BBS7: variants seen among roughly 807,000 people sequenced by gnomAD.
BBS7 encodes the protein Bardet-Biedl syndrome 7.
In BBS7, 50 loss-of-function variants were observed where a neutral mutation model predicts 90.3. The observed-to-expected ratio is 0.55, with a 90% CI of 0.44 to 0.70. BBS7 has a LOEUF of 0.70. Ranked by LOEUF, BBS7 falls within the 30% of genes least tolerant of loss-of-function variation. The pLI is 0.00. For synonymous variants in BBS7, 235 were observed against 287.4 expected, an observed-to-expected ratio of 0.82 and a Z score of 1.85; for missense variants, 729 against 838.9, an observed-to-expected ratio of 0.87 and a Z score of 1.62.
At chr4:121,840,254 C>T (rs150267133) in intron 12 of BBS7, among the ~76,000 whole-genome samples, 41,111 of 152,046 alleles carry the variant, frequency 0.27, 6,191 homozygotes, top group Non-Finnish European at 0.32. Flanking sequence ...TCTTGTCTGC[C>T]GCCATGTGAG....
At chr4:121,858,916 TTA>T (rs1325479879) in intron 5 of BBS7, 74 bp downstream of exon 5, 8 of 1,396,152 alleles carry the variant, frequency 5.7e-6, no homozygotes, top group Non-Finnish European at 8.0e-6. Flanking sequence ...AACCACTAAT[TTA>T]TCTCAAGTAC....
intron 5 of BBS7, among the ~76,000 whole-genome samples, chr4:121,856,931 G>A (rs984940415): frequency 6.6e-6 from 1 of 151,862 alleles, no homozygotes; most frequent in African/African-American, 2.4e-5. Context: ...ACCATGCCTG[G>A]CTAAGTTTTG....
chr4:121,831,624 G>A (rs1165604052), intron 15 of BBS7, among the ~76,000 whole-genome samples: 1 of 152,188 alleles, frequency 6.6e-6, no homozygotes, highest in Non-Finnish European at 1.5e-5. Flanking sequence ...TATGATTAAT[G>A]TGTGAGGTTC....
In BBS7 at chr4:121,861,465, ATAAG is replaced by A. The variant is rs1560666234; in HGVS notation, c.341+35_341+38del. On this transcript the variant is annotated intron_variant, in intron 4 of 18. Coordinates refer to ENST00000264499, the MANE Select transcript of BBS7 (RefSeq NM_176824.3). ...CTCACATCTATCCAAAATATTATAA[ATAAG>A]TATGTAAAAATACAAAAGAGAACAA... The A allele has an allele frequency of 4.4e-6, 7 of 1,581,294 alleles. No individual in the cohort carries two copies. In the South Asian group the frequency reaches 8.0e-5, roughly 18 times the overall value.
At chr4:121,847,883 A>G (rs986252198) in intron 9 of BBS7, among the ~76,000 whole-genome samples, 3 of 152,140 alleles carry the variant, frequency 2.0e-5, no homozygotes, top group Admixed American at 1.3e-4. Context: ...AAACTCTCAC[A>G]TGACTACTAT....
At chr4:121,849,673 A>C (rs1726207640) in intron 8 of BBS7, among the ~76,000 whole-genome samples, 1 of 150,710 alleles carries the variant, frequency 6.6e-6, no homozygotes, top group Admixed American at 6.6e-5. Context: ...CTAAAAATAC[A>C]AAAAAAATTA....
At chr4:121,831,691 C>T (rs910834384) in intron 15 of BBS7, among the ~76,000 whole-genome samples, 1 of 152,026 alleles carries the variant, frequency 6.6e-6, no homozygotes, top group Non-Finnish European at 1.5e-5. Context: ...GATAAGCTTC[C>T]TTGGACGGTA....
chr4:121,833,304 G>C lies in BBS7; in HGVS notation c.1603C>G (p.Pro535Ala). 1.2e-6 allele frequency: 2 copies of C among 1,613,960 alleles called. No individual in the cohort carries two copies. The highest frequency in any genetic ancestry group is 1.7e-6 in the Non-Finnish European group (2 of 1,179,926). The change falls in exon 15 of 19, where the codon CCT (proline) becomes GCT (alanine). Residue 535 changes from proline (P) to alanine (A), a missense_variant. Coordinates refer to ENST00000264499, the MANE Select transcript of BBS7 (RefSeq NM_176824.3). ...AATGTCACACATTCTCCTGCTGGAG[G>C]TTTTTCTGGAACTTCAGGCAGACAA... ...VFCLPEVPEK[P>A]PAGECVTFYF... is the part of the protein sequence containing the mutation.
chr4:121,849,069 A>G, intron 8 of BBS7, 141 bp from the exon 9 acceptor site: 1 of 666,080 alleles, frequency 1.5e-6, no homozygotes, highest in South Asian at 1.7e-5. Flanking sequence ...CTCAGATTAG[A>G]AAGACAAAAT....
chr4:121,837,381 C>A (rs1233298705), intron 13 of BBS7, among the ~76,000 whole-genome samples: 1 of 152,134 alleles, frequency 6.6e-6, no homozygotes, highest in Non-Finnish European at 1.5e-5. Context: ...ATCGGTTAGA[C>A]AATGAAGTCT....
chr4:121,837,452 GATA>G (rs1725515361), intron 13 of BBS7, among the ~76,000 whole-genome samples: 1 of 152,060 alleles, frequency 6.6e-6, no homozygotes, highest in South Asian at 2.1e-4. Flanking sequence ...TATGGCTTAA[GATA>G]ATAATTCATT....
At chr4:121,867,057 T>C (rs1727320434) in intron 2 of BBS7, among the ~76,000 whole-genome samples, 1 of 152,332 alleles carries the variant, frequency 6.6e-6, no homozygotes, top group South Asian at 2.1e-4. Context: ...TTCCAATCCA[T>C]GAACATGGGA....
intron 15 of BBS7, among the ~76,000 whole-genome samples, chr4:121,829,424 AT>A (rs1240969718): frequency 6.6e-6 from 1 of 151,982 alleles, no homozygotes; most frequent in Non-Finnish European, 1.5e-5. Flanking sequence ...TTGAGTAGAG[AT>A]GGGGGTCTCA....
chr4:121,870,373 G>T lies in BBS7; in HGVS notation c.-60C>A, dbSNP rs1266026458. ...AAGAACAGGAGGGACAGAGGCTTCG[G>T]GCCCGCAGGCCTCCGACCCAGTCAG... On this transcript the variant is annotated 5_prime_UTR_variant, in exon 1 of 19. Coordinates refer to ENST00000264499, the MANE Select transcript of BBS7 (RefSeq NM_176824.3). The T allele has an allele frequency of 1.3e-6, 2 of 1,597,664 alleles. No homozygotes were observed. The highest frequency in any genetic ancestry group is 1.3e-5 in the African/African-American group (1 of 74,526).
intron 8 of BBS7, among the ~76,000 whole-genome samples, chr4:121,851,721 T>C (rs143660682): frequency 2.6e-3 from 396 of 152,368 alleles, no homozygotes; most frequent in Non-Finnish European, 4.4e-3. Context: ...ATCAACCATC[T>C]ACCAGTCCAG....
intron 8 of BBS7, among the ~76,000 whole-genome samples, chr4:121,850,173 G>GTT (rs749823423): frequency 1.4e-5 from 2 of 143,620 alleles, no homozygotes; most frequent in Admixed American, 7.0e-5. Flanking sequence ...GTTTTTGTTT[G>GTT]GTTTTTTTTT....
At chr4:121,845,377 A>C (rs1340694387) in intron 11 of BBS7, 127 bp downstream of exon 11, 1 of 534,854 alleles carries the variant, frequency 1.9e-6, no homozygotes, top group Non-Finnish European at 3.0e-6. Context: ...CAAAAAAATA[A>C]AAATAAAAAT....
intron 6 of BBS7, 173 bp downstream of exon 6, chr4:121,855,316 C>G (rs1033081917): frequency 3.2e-5 from 20 of 616,098 alleles, no homozygotes; most frequent in Admixed American, 9.0e-5. Flanking sequence ...CCCCAGCCCC[C>G]CAAAAAAGAA....
At chr4:121,838,940 G>A (rs1404897242) in intron 13 of BBS7, among the ~76,000 whole-genome samples, 1 of 150,828 alleles carries the variant, frequency 6.6e-6, no homozygotes, top group East Asian at 1.9e-4. Context: ...TAAACAAGCT[G>A]TAAAACAAAA....
Sources: allele counts gnomAD v4.1 joint callset (sites outside exome capture counted in the v4.1 genomes callset), GRCh38; gene constraint gnomAD v4.1.1; transcripts MANE v1.5; gene names NCBI Gene and HGNC (gene_info 2026-07-23, HGNC 2026-07-21).